The following RERE variants were observed in gnomAD, a reference collection of about 807,000 sequenced individuals.
RERE encodes the protein arginine-glutamic acid dipeptide repeats.
Under a neutral mutation model 146.1 loss-of-function variants are expected in RERE, and 40 were observed. That is an observed-to-expected ratio of 0.27 (90% CI 0.21 to 0.36). The LOEUF (loss-of-function observed/expected upper bound fraction) is 0.36. Among genes scored for constraint, RERE ranks in the 10% least tolerant of loss-of-function variants. RERE has a pLI of 1.00. For synonymous variants in RERE, 1,003 were observed against 866.0 expected (o/e 1.16, Z -2.78); for missense variants, 1,933 against 2,138.7 (o/e 0.90, Z 1.90).
chr1:8,381,747 G>A, intron 12 of RERE, among the ~76,000 whole-genome samples: 1 of 152,174 alleles, frequency 6.6e-6, no homozygotes, highest in East Asian at 1.9e-4. Flanking sequence ...ATGAGAACAA[G>A]AGTCTTACAG....
chr1:8,513,878 T>A (rs1570373169), intron 7 of RERE, among the ~76,000 whole-genome samples: 1 of 152,238 alleles, frequency 6.6e-6, no homozygotes, highest in East Asian at 1.9e-4. Context: ...GTCTTTTGAC[T>A]GTGCTACTCT....
chr1:8,587,665 C>A (rs768462277), intron 4 of RERE, among the ~76,000 whole-genome samples: 4 of 152,196 alleles, frequency 2.6e-5, no homozygotes, highest in East Asian at 1.9e-4. Flanking sequence ...CAGTGACCAA[C>A]AAATAAAATC....
At chr1:8,709,888 T>C (rs1639632852) in intron 1 of RERE, among the ~76,000 whole-genome samples, 1 of 152,218 alleles carries the variant, frequency 6.6e-6, no homozygotes, top group South Asian at 2.1e-4. Flanking sequence ...GTACAACTTA[T>C]ACTCTTACCA....
intron 7 of RERE, among the ~76,000 whole-genome samples, chr1:8,527,650 A>G (rs1645585396): frequency 6.6e-6 from 1 of 152,148 alleles, no homozygotes. Flanking sequence ...CCAAAATCCA[A>G]TGGCCTTCCC....
At chr1:8,498,342 A>G (rs529922014) in intron 8 of RERE, among the ~76,000 whole-genome samples, 4 of 152,196 alleles carry the variant, frequency 2.6e-5, no homozygotes, top group African/African-American at 9.6e-5. Flanking sequence ...TGGGAGAGAC[A>G]GAGCGAAATT....
chr1:8,594,405 C>A (rs1046430088), intron 4 of RERE, among the ~76,000 whole-genome samples: 1 of 152,078 alleles, frequency 6.6e-6, no homozygotes, highest in African/African-American at 2.4e-5. Context: ...TAGAAAGATA[C>A]AACAAAAATG....
chr1:8,553,338 CACT>C (rs2124417143), intron 6 of RERE, among the ~76,000 whole-genome samples: 2 of 152,058 alleles, frequency 1.3e-5, no homozygotes, highest in Admixed American at 1.3e-4. Flanking sequence ...AAAATTGCAC[CACT>C]AGGCCAGCAC....
intron 8 of RERE, among the ~76,000 whole-genome samples, chr1:8,501,403 C>T: frequency 1.4e-5 from 1 of 73,454 alleles, no homozygotes; most frequent in Non-Finnish European, 2.6e-5. Flanking sequence ...CCCCGCCCGG[C>T]CAGCCGCCCC....
At position 8,794,903 on chromosome 1, in the gene RERE, C is replaced by T. The variant is rs556582777; in HGVS notation, c.-145+22257G>A. The stretch of plus-strand genomic sequence containing the variant: ...TCATGTCACACTGCAGCCTCAACTT[C>T]CCAGGCTCAGGTGATCATCCCATCT... On this transcript the variant is annotated intron_variant, in intron 1 of 22. Coordinates refer to ENST00000400908, the MANE Select transcript of RERE (RefSeq NM_001042681.2). Among the ~76,000 whole-genome samples, 13 of 152,248 alleles carry T rather than the reference C, an allele frequency of 8.5e-5. No individual in the cohort carries two copies. The East Asian group carries it at 9.6e-4, about 11-fold the overall frequency.
At chr1:8,707,173 A>G (rs1265005243) in intron 1 of RERE, among the ~76,000 whole-genome samples, 1 of 152,242 alleles carries the variant, frequency 6.6e-6, no homozygotes, top group Non-Finnish European at 1.5e-5. Flanking sequence ...CCATTAACAG[A>G]TAATGAGAGG....
chr1:8,651,763 G>GA (rs1274587818), intron 2 of RERE, among the ~76,000 whole-genome samples: 1 of 151,416 alleles, frequency 6.6e-6, no homozygotes, highest in Non-Finnish European at 1.5e-5. Flanking sequence ...ACAAAGGAAA[G>GA]AAAAAACTCA....
At chr1:8,549,983 C>T (rs1484073175) in intron 6 of RERE, among the ~76,000 whole-genome samples, 3 of 152,142 alleles carry the variant, frequency 2.0e-5, no homozygotes, top group African/African-American at 7.2e-5. Context: ...AATGTGGGAT[C>T]CCATATAAGA....
intron 1 of RERE, among the ~76,000 whole-genome samples, chr1:8,662,781 T>C (rs1043729185): frequency 1.3e-5 from 2 of 152,222 alleles, no homozygotes; most frequent in Non-Finnish European, 2.9e-5. Flanking sequence ...GATACTGGAC[T>C]GAGAAGCCAA....
chr1:8,391,966 G>A (rs1642895761), intron 12 of RERE, among the ~76,000 whole-genome samples: 1 of 152,214 alleles, frequency 6.6e-6, no homozygotes, highest in Non-Finnish European at 1.5e-5. Context: ...GGCAGAGGCT[G>A]CAGTGAGCCA....
At chr1:8,764,207 T>C (rs907630798) in intron 1 of RERE, among the ~76,000 whole-genome samples, 7 of 152,122 alleles carry the variant, frequency 4.6e-5, no homozygotes, top group Non-Finnish European at 8.8e-5. Flanking sequence ...CACTCAGCCC[T>C]GGCCTCAGAG....
At chr1:8,565,634 C>G (rs905889501) in intron 4 of RERE, among the ~76,000 whole-genome samples, 2 of 152,218 alleles carry the variant, frequency 1.3e-5, no homozygotes, top group South Asian at 4.2e-4. Context: ...TGGCTTGAAC[C>G]CAGAAGGTGG....
intron 1 of RERE, among the ~76,000 whole-genome samples, chr1:8,797,394 G>T (rs1641498205): frequency 6.7e-6 from 1 of 150,278 alleles, no homozygotes; most frequent in Admixed American, 6.6e-5. Context: ...AAAAAAATCA[G>T]CATGAATCAC....
chr1:8,471,949 C>CT (rs1161410992), intron 10 of RERE, among the ~76,000 whole-genome samples: 1 of 152,162 alleles, frequency 6.6e-6, no homozygotes, highest in Admixed American at 6.5e-5. Context: ...GTAGCTGGGA[C>CT]TACAGGCGCA....
intron 12 of RERE, among the ~76,000 whole-genome samples, chr1:8,416,722 T>C (rs185652188): frequency 2.5e-4 from 38 of 152,310 alleles, no homozygotes; most frequent in Admixed American, 2.2e-3. Context: ...ATAGTGAAAC[T>C]TTACAATTTT....
Sources: allele counts gnomAD v4.1 joint callset (sites outside exome capture counted in the v4.1 genomes callset), GRCh38; gene constraint gnomAD v4.1.1; transcripts MANE v1.5; gene names NCBI Gene and HGNC (gene_info 2026-07-23, HGNC 2026-07-21).